SLC30A9: variants seen among roughly 807,000 people sequenced by gnomAD.
SLC30A9 encodes the protein solute carrier family 30 member 9, also known as proton-coupled zinc antiporter SLC30A9, mitochondrial.
Under a neutral mutation model 87.5 loss-of-function variants are expected in SLC30A9, and 58 were observed. The ratio of observed to expected loss-of-function variants is 0.66; its 90% CI spans 0.54 to 0.82. SLC30A9 has a LOEUF of 0.82. Among genes scored for constraint, SLC30A9 ranks in the 40% least tolerant of loss-of-function variants. SLC30A9 has a pLI of 0.00. For missense variants in SLC30A9, 557 were observed against 679.1 expected, an observed-to-expected ratio of 0.82 and a Z score of 2.00; for synonymous variants, 234 against 233.0, an observed-to-expected ratio of 1.00 and a Z score of -0.04.
chr4:42,054,244 G>C (rs980936059), intron 9 of SLC30A9, among the ~76,000 whole-genome samples: 1 of 152,080 alleles, frequency 6.6e-6, no homozygotes, highest in African/African-American at 2.4e-5. Context: ...TGTAATCCCA[G>C]CTACTCAGGA....
At chr4:41,996,591 A>T (rs1386100794) in intron 1 of SLC30A9, among the ~76,000 whole-genome samples, 1 of 152,040 alleles carries the variant, frequency 6.6e-6, no homozygotes, top group Non-Finnish European at 1.5e-5. Context: ...AAAATTAAAA[A>T]ATGTAGCCAG....
intron 2 of SLC30A9, among the ~76,000 whole-genome samples, chr4:42,005,449 C>T (rs1039067542): frequency 6.6e-6 from 1 of 152,102 alleles, no homozygotes; most frequent in Non-Finnish European, 1.5e-5. Context: ...ACAGATAGGC[C>T]AGCTTACTTG....
In SLC30A9 at chr4:42,086,104, A is replaced by G; in HGVS notation, c.1685A>G (p.His562Arg). 2 of 1,526,112 alleles carry G rather than the reference A, an allele frequency of 1.3e-6. No homozygotes were observed. The highest frequency in any genetic ancestry group is 1.8e-6 in the Non-Finnish European group (2 of 1,125,266). 94.5% of individuals were successfully genotyped at this position (1,526,112 alleles called of 1,614,324 possible). A position where few individuals can be genotyped will look rare whatever the true frequency, so the allele number is the denominator to read the frequency against. ...CAGAAACGAAATCCTGAAGTTCGAC[A>G]TGTAGATTTGGAGATACTGTGAGTT... ...ELKKRNPEVR[H>R]VDLEIL is the part of the protein sequence containing the mutation. The change falls in exon 18 of 18, where the codon CAT becomes CGT. Residue 562 changes from histidine (H) to arginine (R), a missense_variant. Around this residue, in one of 2 missense-constraint regions of SLC30A9, gnomAD observed 90 missense variants for 149.4 expected, o/e 0.60. Transcript: ENST00000264451.
rs564424579 is a variant in SLC30A9, at chr4:42,034,665, A to G, written c.611-610A>G. ...TGTATATACCACATTTTGTTTATCCATTCATTCATCCATCCATGGACATTT... is the reference window on the plus strand; with the variant it reads ...TGTATATACCACATTTTGTTTATCCGTTCATTCATCCATCCATGGACATTT... On this transcript the variant is annotated intron_variant, in intron 6 of 17. Coordinates refer to ENST00000264451, the MANE Select transcript of SLC30A9 (RefSeq NM_006345.4). Among the ~76,000 whole-genome samples the G allele has an allele frequency of 1.7e-4, 26 of 152,288 alleles. No individual in the cohort carries two copies. In the South Asian group the frequency reaches 5.4e-3, roughly 32 times the overall value.
intron 8 of SLC30A9, among the ~76,000 whole-genome samples, chr4:42,040,238 A>G (rs1308881228): frequency 1.3e-5 from 2 of 152,198 alleles, no homozygotes; most frequent in East Asian, 3.9e-4. Context: ...AGGTGGAGAT[A>G]AGTCAACAGG....
At chr4:42,084,182 AT>A in intron 17 of SLC30A9, among the ~76,000 whole-genome samples, 1 of 152,314 alleles carries the variant, frequency 6.6e-6, no homozygotes. Flanking sequence ...AACTGAAAAG[AT>A]TATAACAGAA....
chr4:42,086,086 G>A lies in SLC30A9; in HGVS notation c.1667G>A (p.Arg556Gln), dbSNP rs766929801. The change falls in exon 18 of 18, where the codon CGA becomes CAA. Residue 556 changes from arginine to glutamine, a missense_variant. By Grantham distance (43) the Arg-to-Gln change is conservative. Coordinates refer to ENST00000264451, the MANE Select transcript of SLC30A9 (RefSeq NM_006345.4). ...GGTGGTGATTTTTCTTTCCAGAAAC[G>A]AAATCCTGAAGTTCGACATGTAGAT... Reference protein sequence around the residue: ...VDRLEKELKKRNPEVRHVDLE... With the variant: ...VDRLEKELKKQNPEVRHVDLE... 9 of 1,446,514 alleles carry A rather than the reference G, an allele frequency of 6.2e-6. No homozygotes were observed. The highest frequency in any genetic ancestry group is 2.7e-5 in the East Asian group (1 of 36,428). The allele number at this position is 1,446,514 out of a possible 1,614,324, so 89.6% of individuals were successfully genotyped here.
chr4:42,034,238 A>G (rs1431798832), intron 6 of SLC30A9, among the ~76,000 whole-genome samples: 2 of 152,170 alleles, frequency 1.3e-5, no homozygotes, highest in African/African-American at 4.8e-5. Context: ...ATCTCATTGC[A>G]AATCCAGATT....
chr4:42,079,264 T>G (rs1361594165), intron 17 of SLC30A9, among the ~76,000 whole-genome samples: 2 of 152,094 alleles, frequency 1.3e-5, no homozygotes, highest in African/African-American at 4.8e-5. Flanking sequence ...ATCATTTACT[T>G]TTAAAAACAT....
At position 42,073,716 on chromosome 4, in the gene SLC30A9, C is replaced by T. The variant is rs112752417; in HGVS notation, c.1419-1941C>T. On this transcript the variant is annotated intron_variant, in intron 15 of 17. Coordinates refer to ENST00000264451, the MANE Select transcript of SLC30A9 (RefSeq NM_006345.4). The stretch of plus-strand genomic sequence containing the variant: ...CAAATGGGCCTCTTCAACATGGCAG[C>T]TTGCTTAATCAAAGCGTGCAAATTG... Among the ~76,000 whole-genome samples, 872 of 152,304 alleles carry T rather than the reference C, an allele frequency of 5.7e-3. 4 individuals are homozygous for T. Among genetic ancestry groups the T allele is most frequent in the African/African-American group, 0.02 (835 of 41,560 alleles).
intron 15 of SLC30A9, among the ~76,000 whole-genome samples, chr4:42,075,057 A>AT (rs1718490220): frequency 9.3e-5 from 2 of 21,522 alleles, no homozygotes. Flanking sequence ...ATATATATAT[A>AT]TATTTTTTTT....
Position 42,054,694 on chromosome 4 carries a change from G to A in SLC30A9, c.840+5215G>A, listed in dbSNP as rs927599260. 2.8e-4 allele frequency among the ~76,000 whole-genome samples: 42 copies of A among 151,766 alleles called. 1 individual carries two copies. The highest frequency in any genetic ancestry group is 1.3e-4 in the Non-Finnish European group (9 of 67,982). ...TTTAGTAGAGACGGGGTTTCACCGT[G>A]TTAGCCAGGATGGTTTCGATATGGT... On this transcript the variant is annotated intron_variant, in intron 9 of 17. Coordinates refer to ENST00000264451, the MANE Select transcript of SLC30A9 (RefSeq NM_006345.4).
chr4:42,075,661 A>G lies in SLC30A9; in HGVS notation c.1423A>G (p.Ile475Val). 1 of 1,612,744 alleles carries G rather than the reference A, an allele frequency of 6.2e-7. No individual in the cohort carries two copies. The highest frequency in any genetic ancestry group is 8.5e-7 in the Non-Finnish European group (1 of 1,179,154). Reference protein sequence around the residue: ...LLENDPSVRAIHDVKATDLGL... With the variant: ...LLENDPSVRAVHDVKATDLGL... ...ATGCATTGTTATTGATTGCAGGGCAATTCATGATGTTAAAGCCACAGATCT... is the reference window on the plus strand; with the variant it reads ...ATGCATTGTTATTGATTGCAGGGCAGTTCATGATGTTAAAGCCACAGATCT... The change falls in exon 16 of 18, where the codon ATT becomes GTT. Residue 475 changes from isoleucine to valine, a missense_variant. Around this residue, in one of 2 missense-constraint regions of SLC30A9, gnomAD observed 90 missense variants for 149.4 expected, o/e 0.60. Transcript: ENST00000264451.
At chr4:42,037,842 C>G (rs1408046644) in intron 7 of SLC30A9, among the ~76,000 whole-genome samples, 2 of 152,072 alleles carry the variant, frequency 1.3e-5, no homozygotes, top group African/African-American at 4.8e-5. Context: ...ACGATCTCAG[C>G]TCACTGCAAC....
At chr4:41,996,878 AC>A (rs1338814765) in intron 1 of SLC30A9, among the ~76,000 whole-genome samples, 1 of 152,108 alleles carries the variant, frequency 6.6e-6, no homozygotes, top group Non-Finnish European at 1.5e-5. Context: ...TGCTAAAAAT[AC>A]AAAAATTAGT....
chr4:42,059,888 T>G (rs947274574), intron 9 of SLC30A9, among the ~76,000 whole-genome samples: 1 of 152,128 alleles, frequency 6.6e-6, no homozygotes, highest in Non-Finnish European at 1.5e-5. Flanking sequence ...TCTAACCCTA[T>G]TTTTTTAACC....
chr4:42,014,190 C>T (rs1654632378), intron 2 of SLC30A9, among the ~76,000 whole-genome samples: 1 of 152,184 alleles, frequency 6.6e-6, no homozygotes, highest in Non-Finnish European at 1.5e-5. Context: ...GATATCATCT[C>T]ACTCCAGTTC....
At chr4:41,999,646 C>G (rs1714891590) in intron 1 of SLC30A9, among the ~76,000 whole-genome samples, 1 of 150,702 alleles carries the variant, frequency 6.6e-6, no homozygotes, top group Non-Finnish European at 1.5e-5. Flanking sequence ...AAATTCAGGA[C>G]AAACAACCTG....
intron 9 of SLC30A9, among the ~76,000 whole-genome samples, chr4:42,059,072 A>C (rs1266850090): frequency 1.3e-5 from 2 of 152,192 alleles, no homozygotes; most frequent in African/African-American, 4.8e-5. Context: ...TATTTGTATT[A>C]AGTATTTTCA....
Sources: gnomAD v4.1 joint callset for allele counts (sites outside exome capture counted in the v4.1 genomes callset) on GRCh38, gnomAD v4.1.1 for gene constraint, gnomAD v4.1.1 regional missense constraint, MANE v1.5 for transcripts, NCBI Gene and HGNC (gene_info 2026-07-23, HGNC 2026-07-21) for gene names.